The following ZRANB3 variants were observed in gnomAD, a reference collection of about 807,000 sequenced individuals.
The protein encoded by ZRANB3 is DNA annealing helicase and endonuclease ZRANB3.
A neutral mutation model predicts 133.8 loss-of-function variants in ZRANB3; 125 were observed. The ratio of observed to expected loss-of-function variants is 0.93; its 90% CI spans 0.81 to 1.08. The LOEUF (loss-of-function observed/expected upper bound fraction) is 1.08, where lower values mean the gene tolerates loss of function less well. Ranked by LOEUF, ZRANB3 falls within the 50% of genes least tolerant of loss-of-function variation. The pLI is 0.00. For missense variants in ZRANB3, 1,229 were observed against 1,275.5 expected, an observed-to-expected ratio of 0.96 and a Z score of 0.56; for synonymous variants, 387 against 432.7, an observed-to-expected ratio of 0.89 and a Z score of 1.31.
chr2:135,248,498 C>T (rs964070555), intron 12 of ZRANB3, among the ~76,000 whole-genome samples: 3 of 152,156 alleles, frequency 2.0e-5, no homozygotes, highest in Non-Finnish European at 2.9e-5. Context: ...AAACAGACAA[C>T]CTACAGAAAG....
At chr2:135,264,740 A>ATTT (rs869159841) in intron 12 of ZRANB3, among the ~76,000 whole-genome samples, 1 of 125,708 alleles carries the variant, frequency 8.0e-6, no homozygotes, top group Non-Finnish European at 1.7e-5. Flanking sequence ...TTCTTTGCCT[A>ATTT]TTTTTTTTTT....
At chr2:135,203,581 T>C (rs1693718625) in intron 19 of ZRANB3, among the ~76,000 whole-genome samples, 1 of 136,996 alleles carries the variant, frequency 7.3e-6, no homozygotes, top group Non-Finnish European at 1.5e-5. Context: ...ATTGCACCAC[T>C]GCACTCCAGC....
intron 3 of ZRANB3, chr2:135,355,360 CTTTTT>C (rs759038417): frequency 3.5e-5 from 13 of 373,086 alleles, no homozygotes; most frequent in Non-Finnish European, 4.7e-5. Context: ...AATCACAGAT[CTTTTT>C]TTTTTTTTTT....
chr2:135,362,341 T>C (rs1685733790), intron 3 of ZRANB3, among the ~76,000 whole-genome samples: 1 of 152,182 alleles, frequency 6.6e-6, no homozygotes, highest in Non-Finnish European at 1.5e-5. Context: ...GAAGAGTCTA[T>C]GCTTTGGGAA....
In ZRANB3 at chr2:135,469,405, A is replaced by C. The variant is rs140683034; in HGVS notation, c.161+34924T>G. Among the ~76,000 whole-genome samples, 54 of 152,370 alleles carry C rather than the reference A, an allele frequency of 3.5e-4. 1 individual carries two copies. In the Middle Eastern group the frequency reaches 0.01, roughly 29 times the overall value. ...GATCACAGCTTTAGTTACATGATCA[A>C]GTATGGAAATTCTAATACAAATAAC... On this transcript the variant is annotated intron_variant, in intron 2 of 20. Coordinates refer to ENST00000264159, the MANE Select transcript of ZRANB3 (RefSeq NM_032143.4).
Position 135,275,657 on chromosome 2 carries a change from T to A in ZRANB3, c.1065A>T (p.Thr355=). 1 of 1,591,554 alleles carries A rather than the reference T, an allele frequency of 6.3e-7. No individual in the cohort carries two copies. The highest frequency in any genetic ancestry group is 8.5e-7 in the Non-Finnish European group (1 of 1,170,602). Residue 355 remains threonine, a synonymous_variant, in exon 9 of 21, where the codon ACA becomes ACT. Coordinates refer to ENST00000264159, the MANE Select transcript of ZRANB3 (RefSeq NM_032143.4). The stretch of plus-strand genomic sequence containing the variant: ...ATACCTTATTTTCGATGACTGCTTC[T>A]GTGCAAGCTTGGAGCATGCTTAAAT... ...AHHLSMLQAC[T]EAVIENKTRY...
At chr2:135,316,983 A>AATAT (rs1553471635) in intron 6 of ZRANB3, among the ~76,000 whole-genome samples, 134 of 131,462 alleles carry the variant, frequency 1.0e-3, no homozygotes, top group African/African-American at 3.1e-3. Context: ...AAAAAAAAAA[A>AATAT]ATATATATAT....
intron 10 of ZRANB3, chr2:135,271,491 A>C (rs1680513593): frequency 4.0e-6 from 2 of 500,426 alleles, no homozygotes; most frequent in Non-Finnish European, 7.6e-6. Flanking sequence ...GGTCAGGCAA[A>C]AATATTACAA....
At chr2:135,459,726 T>C (rs1690682843) in intron 2 of ZRANB3, among the ~76,000 whole-genome samples, 1 of 152,166 alleles carries the variant, frequency 6.6e-6, no homozygotes, top group Non-Finnish European at 1.5e-5. Flanking sequence ...TCTAACAACA[T>C]AGTTAACTTT....
At chr2:135,483,648 T>C (rs1271001937) in intron 2 of ZRANB3, among the ~76,000 whole-genome samples, 2 of 152,128 alleles carry the variant, frequency 1.3e-5, no homozygotes, top group Non-Finnish European at 2.9e-5. Context: ...TCTTGCCTTC[T>C]GCTAGCTTTT....
intron 2 of ZRANB3, among the ~76,000 whole-genome samples, chr2:135,482,172 TG>T (rs1691850176): frequency 7.1e-6 from 1 of 140,626 alleles, no homozygotes; most frequent in South Asian, 2.3e-4. Flanking sequence ...GGTAGCTTGA[TG>T]GGGATGGCAT....
chr2:135,322,485 G>A (rs908767550), intron 6 of ZRANB3, among the ~76,000 whole-genome samples: 2 of 152,100 alleles, frequency 1.3e-5, no homozygotes, highest in African/African-American at 4.8e-5. Flanking sequence ...GGAGGTCAAA[G>A]TGGGAGAATT....
chr2:135,239,108 A>C (rs1215417017), intron 12 of ZRANB3, among the ~76,000 whole-genome samples: 1 of 152,228 alleles, frequency 6.6e-6, no homozygotes, highest in East Asian at 1.9e-4. Context: ...GACCCTGTAG[A>C]TAATGATAGC....
intron 3 of ZRANB3, among the ~76,000 whole-genome samples, chr2:135,372,566 T>A (rs1303009003): frequency 6.6e-6 from 1 of 151,364 alleles, no homozygotes. Flanking sequence ...GGGAGGCGGA[T>A]CATGAGATCA....
At chr2:135,380,380 G>T (rs13033450) in intron 3 of ZRANB3, among the ~76,000 whole-genome samples, 2 of 152,034 alleles carry the variant, frequency 1.3e-5, no homozygotes, top group African/African-American at 4.8e-5. Flanking sequence ...GCATCACATC[G>T]CACTTATTCT....
intron 13 of ZRANB3, 66 bp from the exon 14 acceptor site, chr2:135,228,081 TA>T (rs912831400): frequency 7.7e-7 from 1 of 1,306,040 alleles, no homozygotes. Context: ...AAAAAGAATG[TA>T]ACAGTTAGGT....
intron 2 of ZRANB3, among the ~76,000 whole-genome samples, chr2:135,428,199 T>G (rs1342829015): frequency 6.6e-6 from 1 of 152,104 alleles, no homozygotes; most frequent in East Asian, 1.9e-4. Context: ...TCCTAGCACT[T>G]TGCAAGTCAG....
intron 8 of ZRANB3, among the ~76,000 whole-genome samples, chr2:135,285,261 T>C (rs1032940070): frequency 6.6e-6 from 1 of 152,244 alleles, no homozygotes; most frequent in East Asian, 1.9e-4. Context: ...TTATCTTTAA[T>C]AAAGCCTTCC....
rs1023680564 is a variant in ZRANB3 at position 135,303,195 on chromosome 2, G to GTA, written c.966+10292_966+10293dup. Among the ~76,000 whole-genome samples the GTA allele has an allele frequency of 4.6e-5, 7 of 151,784 alleles. No homozygotes were observed. In the South Asian group the frequency reaches 1.0e-3, roughly 23 times the overall value. The stretch of plus-strand genomic sequence containing the variant: ...TTCCTAACAGTATTTTTCATACTAC[G>GTA]TATATATATATTTTTTACCACCATG... On this transcript the variant is annotated intron_variant, in intron 8 of 20. Coordinates refer to ENST00000264159, the MANE Select transcript of ZRANB3 (RefSeq NM_032143.4).
Sources: allele counts gnomAD v4.1 joint callset (sites outside exome capture counted in the v4.1 genomes callset), GRCh38; gene constraint gnomAD v4.1.1; transcripts MANE v1.5; gene names NCBI Gene and HGNC (gene_info 2026-07-23, HGNC 2026-07-21).